Variants in TRIP12 observed in about 807,000 individuals in gnomAD.
TRIP12 encodes thyroid hormone receptor interactor 12.
In TRIP12, 25 loss-of-function variants were observed where a neutral mutation model predicts 244.2. That is an observed-to-expected ratio of 0.10 (90% CI 0.07 to 0.14). The LOEUF (loss-of-function observed/expected upper bound fraction) is 0.14, where lower values mean the gene tolerates loss of function less well. TRIP12 is among the 10% of genes least tolerant of loss of function. TRIP12 has a pLI of 1.00. For missense variants in TRIP12, 1,677 were observed against 2,486.4 expected, an observed-to-expected ratio of 0.67 and a Z score of 6.92; for synonymous variants, 905 against 873.1, an observed-to-expected ratio of 1.04 and a Z score of -0.64.
chr2:229,797,619 G>C (rs1417014264), intron 24 of TRIP12, 71 bp downstream of exon 24: 5 of 1,570,402 alleles, frequency 3.2e-6, no homozygotes, highest in African/African-American at 1.4e-5. Flanking sequence ...AGAGAGTCAT[G>C]AAGGAAAAGA....
At chr2:229,823,677 A>G (rs1358954699) in intron 8 of TRIP12, among the ~76,000 whole-genome samples, 1 of 151,480 alleles carries the variant, frequency 6.6e-6, no homozygotes, top group African/African-American at 2.4e-5. Flanking sequence ...TCTGTCTCAA[A>G]AAAAAAAAAC....
intron 4 of TRIP12, among the ~76,000 whole-genome samples, chr2:229,844,441 G>A (rs1048275201): frequency 2.0e-5 from 3 of 152,056 alleles, no homozygotes; most frequent in Non-Finnish European, 4.4e-5. Flanking sequence ...ATAAATCTTC[G>A]CTGTCCTGTT....
At chr2:229,917,666 G>GCCCT (rs1254296410) in intron 1 of TRIP12, among the ~76,000 whole-genome samples, 2 of 152,138 alleles carry the variant, frequency 1.3e-5, no homozygotes, top group Admixed American at 6.5e-5. Context: ...ATGTGAAGAG[G>GCCCT]CCCTGATCAC....
At position 229,883,659 on chromosome 2, in the gene TRIP12, GAAATA is replaced by G. The variant is rs1038969419; in HGVS notation, c.-49-3536_-49-3532del. On this transcript the variant is annotated intron_variant, in intron 1 of 41. Coordinates refer to ENST00000675903, the MANE Select transcript of TRIP12 (RefSeq NM_001348323.3). Reference sequence around the variant, plus strand: ...CTTTGATATTCAGTCCTAAGGTACTGAAATAAAATAGAGAACATGTATGACTTTAA... The same window carrying G: ...CTTTGATATTCAGTCCTAAGGTACTGAAATAGAGAACATGTATGACTTTAA... Among the ~76,000 whole-genome samples, 5 of 152,222 alleles carry G rather than the reference GAAATA, an allele frequency of 3.3e-5. No individual in the cohort carries two copies. In the East Asian group the frequency reaches 9.6e-4, roughly 29 times the overall value.
At chr2:229,917,380 CAAAAAAAAAAAAAAAAAAAAAAAAAAA>C (rs60397605) in intron 1 of TRIP12, among the ~76,000 whole-genome samples, 8 of 29,258 alleles carry the variant, frequency 2.7e-4, no homozygotes, top group African/African-American at 9.9e-4. Flanking sequence ...GACTCTGTCT[CAAAAAAAAAAAAAAAAAAAAAAAAAAA>C]AAAAAAAAAA....
At chr2:229,795,948 C>T (rs754620713) in intron 25 of TRIP12, among the ~76,000 whole-genome samples, 14 of 152,216 alleles carry the variant, frequency 9.2e-5, no homozygotes, top group South Asian at 4.1e-4. Context: ...AGTGTTAATA[C>T]ATAGGAGAGC....
intron 4 of TRIP12, among the ~76,000 whole-genome samples, chr2:229,842,672 T>C (rs2056720310): frequency 6.7e-6 from 1 of 148,908 alleles, no homozygotes; most frequent in Non-Finnish European, 1.5e-5. Context: ...TCATGAATAC[T>C]AAAATATCTT....
chr2:229,823,547 G>C (rs771184268), intron 8 of TRIP12, among the ~76,000 whole-genome samples: 4 of 151,848 alleles, frequency 2.6e-5, no homozygotes, highest in Non-Finnish European at 4.4e-5. Context: ...GTGGTGGCAG[G>C]CACCTGTAGT....
intron 4 of TRIP12, among the ~76,000 whole-genome samples, chr2:229,846,462 G>GT (rs375395919): frequency 5.2e-4 from 79 of 152,138 alleles, no homozygotes; most frequent in African/African-American, 1.6e-3. Context: ...CATGTACATT[G>GT]TTTTTTTAGA....
chr2:229,881,935 C>T (rs1201025917), intron 1 of TRIP12, among the ~76,000 whole-genome samples: 1 of 152,172 alleles, frequency 6.6e-6, no homozygotes, highest in East Asian at 1.9e-4. Flanking sequence ...GTCATTGAGA[C>T]TGATTGTCAA....
In TRIP12 at chr2:229,804,118, C is replaced by T. The variant is rs1476737470; in HGVS notation, c.2760G>A (p.Val920=). Residue 920 remains valine (V), a synonymous_variant, in exon 19 of 42, where the codon GTG becomes GTA. Transcript: ENST00000675903. The part of the protein sequence containing the change: ...IKTLFGVLYE[V]YSSSAGPAVR... ...CCGCAGGTCCTGCTGAGGAACTATA[C>T]ACTTCATAAAGAACACCAAATAATG... The T allele has an allele frequency of 4.3e-6, 7 of 1,614,094 alleles. No individual in the cohort carries two copies. Among genetic ancestry groups the T allele is most frequent in the Middle Eastern group, 1.6e-4 (1 of 6,062 alleles).
intron 6 of TRIP12, among the ~76,000 whole-genome samples, chr2:229,834,766 G>GA (rs558080736): frequency 4.2e-4 from 60 of 143,210 alleles, no homozygotes; most frequent in South Asian, 3.1e-3. Context: ...CCTCAAAGAA[G>GA]AAAAAAAAAA....
At chr2:229,788,718 A>G (rs2040691874) in intron 32 of TRIP12, 80 bp downstream of exon 32, 4 of 1,527,094 alleles carry the variant, frequency 2.6e-6, no homozygotes, top group African/African-American at 2.8e-5. Flanking sequence ...TCCAGTAAAG[A>G]CAATGTTTCT....
intron 11 of TRIP12, 148 bp downstream of exon 11, chr2:229,814,951 T>C (rs2048139272): frequency 3.4e-6 from 2 of 595,650 alleles, no homozygotes; most frequent in Non-Finnish European, 2.9e-6. Context: ...TGATTTATCT[T>C]CACCTTCAAA....
intron 1 of TRIP12, among the ~76,000 whole-genome samples, chr2:229,888,026 C>T (rs1415960292): frequency 2.0e-5 from 3 of 152,300 alleles, no homozygotes; most frequent in Admixed American, 6.5e-5. Context: ...TCCCCAAATG[C>T]TCTTTAAACT....
At chr2:229,917,761 A>AT (rs1263180484) in intron 1 of TRIP12, among the ~76,000 whole-genome samples, 7 of 152,192 alleles carry the variant, frequency 4.6e-5, no homozygotes, top group Non-Finnish European at 1.0e-4. Context: ...TGGCATGATC[A>AT]TAACTATTAA....
intron 30 of TRIP12, among the ~76,000 whole-genome samples, chr2:229,790,831 T>C (rs1048410969): frequency 2.0e-5 from 3 of 152,236 alleles, no homozygotes; most frequent in African/African-American, 7.2e-5. Context: ...TTAGTGAACA[T>C]GTTCTACCAA....
At chr2:229,910,773 A>T (rs1031181705) in intron 1 of TRIP12, among the ~76,000 whole-genome samples, 4 of 152,232 alleles carry the variant, frequency 2.6e-5, no homozygotes, top group Non-Finnish European at 5.9e-5. Flanking sequence ...GATGAAGAGT[A>T]GAGTAAAAAA....
At chr2:229,828,348 T>C (rs1403144844) in intron 8 of TRIP12, among the ~76,000 whole-genome samples, 2 of 151,926 alleles carry the variant, frequency 1.3e-5, no homozygotes, top group African/African-American at 4.8e-5. Context: ...ATTTGTTTTT[T>C]TTTTTTTTCC....
Sources: allele counts gnomAD v4.1 joint callset (sites outside exome capture counted in the v4.1 genomes callset), GRCh38; gene constraint gnomAD v4.1.1; transcripts MANE v1.5; gene names NCBI Gene and HGNC (gene_info 2026-07-23, HGNC 2026-07-21).